Variants in AR observed in about 807,000 individuals in gnomAD.
AR encodes the protein androgen receptor, also known as dihydrotestosterone receptor.
In AR, 8 loss-of-function variants were observed where a neutral mutation model predicts 53.9. That is an observed-to-expected ratio of 0.15 (90% CI 0.09 to 0.27). AR has a LOEUF of 0.27. AR is among the 10% of genes least tolerant of loss of function. The pLI is 1.00. For missense variants in AR, 639 were observed against 742.5 expected (o/e 0.86, Z 1.62); for synonymous variants, 359 against 316.4 (o/e 1.13, Z -1.43).
intron 1 of AR, among the ~76,000 whole-genome samples, chrX:67,589,847 G>A (rs761497175): frequency 9.0e-6 from 1 of 111,529 alleles, no homozygotes; most frequent in Admixed American, 9.5e-5. Context: ...CTGTATACTC[G>A]AGCATGCCCT....
At chrX:67,633,490 A>G (rs1423432850) in intron 1 of AR, among the ~76,000 whole-genome samples, 2 of 112,315 alleles carry the variant, frequency 1.8e-5, no homozygotes, top group Non-Finnish European at 3.8e-5. Context: ...ATAGTATACT[A>G]TGGTGTACAT....
intron 1 of AR, among the ~76,000 whole-genome samples, chrX:67,580,257 C>T (rs761898961): frequency 1.8e-5 from 2 of 110,745 alleles, no homozygotes; most frequent in Non-Finnish European, 3.8e-5. Flanking sequence ...AATTTCTTCC[C>T]TCCATTTGTC....
chrX:67,710,164 T>G (rs898954350), intron 3 of AR, among the ~76,000 whole-genome samples: 1 of 110,997 alleles, frequency 9.0e-6, no homozygotes, highest in Non-Finnish European at 1.9e-5. Flanking sequence ...CTGTTCTTTC[T>G]GGGACCCAAA....
intron 1 of AR, among the ~76,000 whole-genome samples, chrX:67,550,576 G>C (rs1212057778): frequency 9.2e-6 from 1 of 109,051 alleles, no homozygotes; most frequent in African/African-American, 3.3e-5. Flanking sequence ...CCTTGCATAA[G>C]CAGGGAGCAG....
At chrX:67,656,088 C>T (rs1926574197) in intron 2 of AR, among the ~76,000 whole-genome samples, 1 of 111,925 alleles carries the variant, frequency 8.9e-6, no homozygotes, top group Admixed American at 9.5e-5. Flanking sequence ...GCACAGAGCT[C>T]CCTGCGTTCT....
chrX:67,678,655 C>T (rs988989155), intron 2 of AR, among the ~76,000 whole-genome samples: 2 of 111,412 alleles, frequency 1.8e-5, no homozygotes, highest in African/African-American at 6.5e-5. Context: ...AGTATCTAAT[C>T]AATTTTTTTC....
chrX:67,717,600 G>A lies in AR; in HGVS notation c.2296G>A (p.Ala766Thr), dbSNP rs1555996863. ...TNVNSRMLYFAPDLVFNEYRM... is the reference protein window; with the variant it reads ...TNVNSRMLYFTPDLVFNEYRM... ...TGTCAACTCCAGGATGCTCTACTTC[G>A]CCCCTGATCTGGTTTTCAATGAGTA... is the stretch of plus-strand genomic sequence containing the variant. Residue 766 changes from alanine to threonine, a missense_variant, in exon 5 of 8, where the codon GCC (alanine) becomes ACC (threonine). Ala to Thr is a moderately conservative substitution (Grantham distance 58). Transcript: ENST00000374690. 8.3e-7 allele frequency: 1 copy of A among 1,210,805 alleles called. No homozygotes were observed. Among genetic ancestry groups the A allele is most frequent in the South Asian group, 1.8e-5 (1 of 56,858 alleles).
At chrX:67,670,582 A>G (rs1202766063) in intron 2 of AR, among the ~76,000 whole-genome samples, 1 of 107,429 alleles carries the variant, frequency 9.3e-6, no homozygotes, top group Non-Finnish European at 1.9e-5. Context: ...TTTATAAAGC[A>G]TATATATAGT....
At chrX:67,638,835 A>G (rs1925591152) in intron 1 of AR, among the ~76,000 whole-genome samples, 1 of 112,112 alleles carries the variant, frequency 8.9e-6, no homozygotes. Flanking sequence ...GTTTAATTAG[A>G]TCACATTTGT....
intron 1 of AR, among the ~76,000 whole-genome samples, chrX:67,562,786 T>C: frequency 9.0e-6 from 1 of 111,355 alleles, no homozygotes; most frequent in Admixed American, 9.5e-5. Flanking sequence ...CCACATAACA[T>C]AGTTGGATGA....
intron 1 of AR, among the ~76,000 whole-genome samples, chrX:67,639,358 G>A (rs1164112175): frequency 8.9e-6 from 1 of 111,878 alleles, no homozygotes; most frequent in East Asian, 2.8e-4. Flanking sequence ...TGCGAAGAAA[G>A]TCATTGGCAG....
chrX:67,634,630 A>G (rs967192733), intron 1 of AR, among the ~76,000 whole-genome samples: 1 of 111,691 alleles, frequency 9.0e-6, no homozygotes, highest in Non-Finnish European at 1.9e-5. Flanking sequence ...AATAGTAAAC[A>G]TTGCTGCCCT....
intron 1 of AR, chrX:67,568,937 G>A (rs1227207189): frequency 1.7e-6 from 2 of 1,207,818 alleles, no homozygotes; most frequent in African/African-American, 1.8e-5. Context: ...CTTTGTACCG[G>A]ACTTTGTACA....
At chrX:67,659,882 GT>G (rs1433621321) in intron 2 of AR, among the ~76,000 whole-genome samples, 2 of 111,461 alleles carry the variant, frequency 1.8e-5, no homozygotes, top group Admixed American at 9.5e-5. Flanking sequence ...AGCACCTGTT[GT>G]TTCCTGACTT....
chrX:67,702,303 A>G (rs1379904159), intron 3 of AR, among the ~76,000 whole-genome samples: 1 of 111,518 alleles, frequency 9.0e-6, no homozygotes, highest in Non-Finnish European at 1.9e-5. Context: ...AGGTCCAGTA[A>G]TGGGGAAGAT....
chrX:67,711,760 A>ATGGTGGCTGGT, intron 4 of AR, 71 bp downstream of exon 4: 1 of 1,065,487 alleles, frequency 9.4e-7, no homozygotes, highest in Non-Finnish European at 1.3e-6. Context: ...TGGACCAGCC[A>ATGGTGGCTGGT]CCATGTCTGG....
At chrX:67,672,656 C>G (rs1340261340) in intron 2 of AR, among the ~76,000 whole-genome samples, 2 of 111,023 alleles carry the variant, frequency 1.8e-5, no homozygotes, top group Non-Finnish European at 3.8e-5. Context: ...AACTTCATCT[C>G]TCTGCTTGTT....
chrX:67,650,158 C>T (rs1926266403), intron 2 of AR, among the ~76,000 whole-genome samples: 2 of 111,841 alleles, frequency 1.8e-5, no homozygotes, highest in African/African-American at 6.5e-5. Flanking sequence ...AGATTCAATG[C>T]TATCCCCATT....
rs113739371 is a variant in AR at position 67,720,879 on chromosome X, T to TACACAC, written c.2319-929_2319-924dup. ...CACGCTGCACAATCAATTTCTGTCT[T>TACACAC]ACACACACACACACACACACACACA... On this transcript the variant is annotated intron_variant, in intron 5 of 7. Coordinates refer to ENST00000374690, the MANE Select transcript of AR (RefSeq NM_000044.6). 3.2e-3 allele frequency among the ~76,000 whole-genome samples: 320 copies of TACACAC among 100,806 alleles called. 2 individuals are homozygous for TACACAC. The highest frequency in any genetic ancestry group is 0.011 in the African/African-American group (295 of 27,611). 87.5% of individuals were successfully genotyped at this position (100,806 alleles called of 115,157 possible). A position where few individuals can be genotyped will look rare whatever the true frequency, so the allele number is the denominator to read the frequency against.
Sources: allele counts gnomAD v4.1 joint callset (sites outside exome capture counted in the v4.1 genomes callset), GRCh38; gene constraint gnomAD v4.1.1; transcripts MANE v1.5; gene names NCBI Gene and HGNC (gene_info 2026-07-23, HGNC 2026-07-21).